OR51B5: variants seen among roughly 807,000 people sequenced by gnomAD.
OR51B5 encodes the protein olfactory receptor 51B5.
For missense variants in OR51B5, 456 were observed against 374.6 expected (o/e 1.22, Z -1.79); for synonymous variants, 186 against 144.8 (o/e 1.28, Z -2.04).
At chr11:5,457,710 C>A (rs1564820049) in intron 1 of OR51B5, among the ~76,000 whole-genome samples, 1 of 152,182 alleles carries the variant, frequency 6.6e-6, no homozygotes, top group Non-Finnish European at 1.5e-5. Flanking sequence ...TTGCATTTCT[C>A]TAATGATTAA....
rs758292845 is a variant in OR51B5, at chr11:5,453,947, C to T, written n.84+51622G>A. 14 of 1,614,172 alleles carry T rather than the reference C, an allele frequency of 8.7e-6. 2 individuals carry two copies. The highest frequency in any genetic ancestry group is 1.6e-4 in the Middle Eastern group (1 of 6,062). On this transcript the variant is annotated intron_variant and non_coding_transcript_variant, in intron 1 of 4. Coordinates refer to the OR51B5 transcript ENST00000415970. ...GTTTAGGTGCAGCTGCTCGAAGCTT[C>T]ATCACCCTTTTCCCTCTTCCCTTTC...
intron 1 of OR51B5, chr11:5,351,863 A>T: frequency 6.2e-7 from 1 of 1,613,582 alleles, no homozygotes; most frequent in African/African-American, 1.3e-5. Context: ...ATGGCTTATG[A>T]CTGTTTCATT....
chr11:5,353,861 A>G (rs2723387), intron 1 of OR51B5, among the ~76,000 whole-genome samples: 59,392 of 152,072 alleles, frequency 0.39, 11,866 homozygotes, highest in Non-Finnish European at 0.42. Context: ...TAAATAACAC[A>G]GAGAAAACAA....
chr11:5,461,149 G>A (rs529811672), intron 1 of OR51B5, among the ~76,000 whole-genome samples: 1 of 152,300 alleles, frequency 6.6e-6, no homozygotes, highest in African/African-American at 2.4e-5. Flanking sequence ...GGTGGCAAGT[G>A]AGGGCCCTGG....
At chr11:5,404,264 A>G (rs202179031) in intron 1 of OR51B5, among the ~76,000 whole-genome samples, 2 of 152,254 alleles carry the variant, frequency 1.3e-5, no homozygotes, top group Admixed American at 6.5e-5. Context: ...AAAGGTTTGT[A>G]AACACACCAA....
chr11:5,424,349 C>A (rs1850408875), intron 1 of OR51B5, among the ~76,000 whole-genome samples: 2 of 151,574 alleles, frequency 1.3e-5, no homozygotes, highest in African/African-American at 2.4e-5. Context: ...ACAAAACAAA[C>A]AAACAAAAAA....
chr11:5,413,100 C>T (rs897894218), intron 1 of OR51B5, among the ~76,000 whole-genome samples: 10 of 152,192 alleles, frequency 6.6e-5, no homozygotes, highest in African/African-American at 1.4e-4. Flanking sequence ...TCCAGAGGAA[C>T]GATCAGACAG....
At chr11:5,349,116 G>T (rs945011190) in intron 1 of OR51B5, among the ~76,000 whole-genome samples, 2 of 152,142 alleles carry the variant, frequency 1.3e-5, no homozygotes, top group East Asian at 1.9e-4. Context: ...GACCCTGGAA[G>T]AGGGTGAATG....
At chr11:5,379,082 A>G (rs1217660796) in intron 1 of OR51B5, among the ~76,000 whole-genome samples, 1 of 151,540 alleles carries the variant, frequency 6.6e-6, no homozygotes, top group African/African-American at 2.4e-5. Flanking sequence ...ACAATGATAG[A>G]CTGGATTAAG....
chr11:5,393,346 A>AT (rs1240449542), intron 1 of OR51B5: 2 of 150,424 alleles, frequency 1.3e-5, no homozygotes, highest in East Asian at 1.9e-4. Context: ...TTAAAATGAC[A>AT]TTTAAATGCT....
rs369008008 is a variant in OR51B5 at position 5,463,028 on chromosome 11, T to A, written n.84+42541A>T. On this transcript the variant is annotated intron_variant and non_coding_transcript_variant, in intron 1 of 4. Coordinates refer to the OR51B5 transcript ENST00000415970. Reference sequence around the variant, plus strand: ...AGTAACTCGACACTTATGTCAGAAATCAAGATTTGGTCTCATTGTTTTGTC... The same window carrying A: ...AGTAACTCGACACTTATGTCAGAAAACAAGATTTGGTCTCATTGTTTTGTC... Among the ~76,000 whole-genome samples, 6 of 152,354 alleles carry A rather than the reference T, an allele frequency of 3.9e-5. No individual in the cohort carries two copies. In the South Asian group the frequency reaches 1.2e-3, roughly 32 times the overall value.
chr11:5,502,043 C>T (rs1378684049), intron 1 of OR51B5, among the ~76,000 whole-genome samples: 1 of 152,084 alleles, frequency 6.6e-6, no homozygotes, highest in African/African-American at 2.4e-5. Context: ...TTAATCTCAT[C>T]AGAAAGCTTT....
chr11:5,363,158 G>A (rs556105076), intron 1 of OR51B5, among the ~76,000 whole-genome samples: 5 of 151,356 alleles, frequency 3.3e-5, no homozygotes, highest in South Asian at 2.1e-4. Flanking sequence ...AAAGTTTTAC[G>A]AACAGAATGA....
At chr11:5,363,455 ACACT>A (rs1307645648) in intron 1 of OR51B5, among the ~76,000 whole-genome samples, 1 of 125,232 alleles carries the variant, frequency 8.0e-6, no homozygotes, top group East Asian at 2.0e-4. Flanking sequence ...ACATACACAC[ACACT>A]CTCTCTCTCA....
intron 1 of OR51B5, among the ~76,000 whole-genome samples, chr11:5,393,662 C>T (rs116704063): frequency 3.5e-4 from 54 of 152,186 alleles, no homozygotes; most frequent in African/African-American, 1.3e-3. Flanking sequence ...ATTTAACTCA[C>T]GGTAGAGAGG....
chr11:5,359,133 T>G (rs535694039), intron 1 of OR51B5, among the ~76,000 whole-genome samples: 21 of 152,228 alleles, frequency 1.4e-4, no homozygotes, highest in East Asian at 1.4e-3. Context: ...AGTGTTGGAA[T>G]TTCTGGCCAG....
intron 1 of OR51B5, among the ~76,000 whole-genome samples, chr11:5,473,627 C>T (rs1368010795): frequency 6.6e-6 from 1 of 152,120 alleles, no homozygotes; most frequent in Non-Finnish European, 1.5e-5. Context: ...CTTATGAATA[C>T]ATTTTATCAT....
At chr11:5,385,085 A>G (rs149063399) in intron 1 of OR51B5, among the ~76,000 whole-genome samples, 394 of 152,354 alleles carry the variant, frequency 2.6e-3, no homozygotes, top group African/African-American at 9.0e-3. Context: ...TACTCATTGT[A>G]TACTGAAAAT....
intron 1 of OR51B5, chr11:5,441,243 TAGTTGA>T: frequency 1.2e-6 from 2 of 1,613,874 alleles, no homozygotes; most frequent in Non-Finnish European, 1.7e-6. Flanking sequence ...AACATGGTTG[TAGTTGA>T]AGCAGAAAGT....
Sources: gnomAD v4.1 joint callset for allele counts (sites outside exome capture counted in the v4.1 genomes callset) on GRCh38, gnomAD v4.1.1 for gene constraint, MANE v1.5 for transcripts, NCBI Gene and HGNC (gene_info 2026-07-23, HGNC 2026-07-21) for gene names.